WWOX: variants seen among roughly 807,000 people sequenced by gnomAD.
WWOX encodes the protein WW domain-containing oxidoreductase.
Under a neutral mutation model 46.2 loss-of-function variants are expected in WWOX, and 69 were observed. The ratio of observed to expected loss-of-function variants is 1.49; its 90% CI spans 1.23 to 1.82. The LOEUF (loss-of-function observed/expected upper bound fraction) is 1.82, where lower values mean the gene tolerates loss of function less well. Among genes scored for constraint, WWOX ranks in the 40% most tolerant of loss-of-function variants. The pLI is 0.00. For synonymous variants in WWOX, 359 were observed against 202.6 expected (o/e 1.77, Z -6.56); for missense variants, 919 against 542.6 (o/e 1.69, Z -6.89).
rs1245383221 is a variant in WWOX, at chr16:78,313,956, G to T, written c.517-72904G>T. Among the ~76,000 whole-genome samples, 5 of 152,164 alleles carry T rather than the reference G, an allele frequency of 3.3e-5. No homozygotes were observed. The East Asian group carries it at 9.6e-4, about 29-fold the overall frequency. On this transcript the variant is annotated intron_variant, in intron 5 of 8. Transcript: ENST00000566780. ...TTCCCTTATATCCGTGCTGACACAG[G>T]TTCAGGAGACCAGGTCGAGTCGAAA... is the stretch of plus-strand genomic sequence containing the variant.
rs1031700703 is a variant in WWOX at position 78,567,029 on chromosome 16, GTCATACAT to G, written c.1056+134282_1056+134289del. On this transcript the variant is annotated intron_variant, in intron 8 of 8. Coordinates refer to ENST00000566780, the MANE Select transcript of WWOX (RefSeq NM_016373.4). ...TCTATGTGCCAGGCATGAGGCTGAAGTCATACATTCATTATTTGTTAATCCCACCCTAA... is the reference window on the plus strand; with the variant it reads ...TCTATGTGCCAGGCATGAGGCTGAAGTCATTATTTGTTAATCCCACCCTAA... Among the ~76,000 whole-genome samples the G allele has an allele frequency of 7.8e-4, 119 of 151,796 alleles. 1 individual carries two copies. The highest frequency in any genetic ancestry group is 2.8e-3 in the African/African-American group (116 of 41,330).
At chr16:78,849,065 A>G (rs962259405) in intron 8 of WWOX, among the ~76,000 whole-genome samples, 1 of 152,172 alleles carries the variant, frequency 6.6e-6, no homozygotes, top group South Asian at 2.1e-4. Flanking sequence ...CACTGTTGAC[A>G]ATCTTGCCAC....
intron 8 of WWOX, among the ~76,000 whole-genome samples, chr16:78,637,522 T>G (rs1463900431): frequency 6.6e-6 from 1 of 152,172 alleles, no homozygotes; most frequent in Non-Finnish European, 1.5e-5. Flanking sequence ...CACAGTGATG[T>G]AACTCATCAG....
At chr16:78,551,825 C>G (rs1188295284) in intron 8 of WWOX, 1 of 152,190 alleles carries the variant, frequency 6.6e-6, no homozygotes, top group African/African-American at 2.4e-5. Context: ...CGCTCGAGAT[C>G]AAAATAAACA....
intron 8 of WWOX, among the ~76,000 whole-genome samples, chr16:78,607,672 G>A (rs1390655376): frequency 1.4e-5 from 2 of 147,230 alleles, no homozygotes; most frequent in Non-Finnish European, 3.0e-5. Flanking sequence ...TGTCTACAGA[G>A]AAGGAGGATA....
chr16:78,680,521 A>C (rs1400796592), intron 8 of WWOX, among the ~76,000 whole-genome samples: 1 of 152,154 alleles, frequency 6.6e-6, no homozygotes, highest in African/African-American at 2.4e-5. Flanking sequence ...CTCTGTCTCA[A>C]AGGAAAGAAA....
At chr16:78,990,492 G>C (rs1313413263) in intron 8 of WWOX, among the ~76,000 whole-genome samples, 1 of 152,188 alleles carries the variant, frequency 6.6e-6, no homozygotes, top group Non-Finnish European at 1.5e-5. Flanking sequence ...TGCAAACTCT[G>C]TGGCCTGCAT....
chr16:78,478,818 T>C (rs917149546), intron 8 of WWOX, among the ~76,000 whole-genome samples: 1 of 152,052 alleles, frequency 6.6e-6, no homozygotes, highest in African/African-American at 2.4e-5. Flanking sequence ...AATTTATTTT[T>C]TATTTATTTA....
intron 8 of WWOX, among the ~76,000 whole-genome samples, chr16:79,011,334 A>G (rs572138421): frequency 6.6e-6 from 1 of 151,864 alleles, no homozygotes; most frequent in African/African-American, 2.4e-5. Context: ...TATGCCCTCT[A>G]CATTCAAATT....
rs1567501496 is a variant in WWOX, at chr16:78,701,914, G to T, written c.1056+269162G>T. On this transcript the variant is annotated intron_variant, in intron 8 of 8. Coordinates refer to ENST00000566780, the MANE Select transcript of WWOX (RefSeq NM_016373.4). ...TAAAAGGCAAAGGAAGCCTGGTGAA[G>T]TGACTCATACCTGTAATCCCAGAAC... Among the ~76,000 whole-genome samples, 2 of 149,966 alleles carry T rather than the reference G, an allele frequency of 1.3e-5. 1 individual carries two copies.
At chr16:79,001,635 A>G (rs961607107) in intron 8 of WWOX, among the ~76,000 whole-genome samples, 8 of 151,578 alleles carry the variant, frequency 5.3e-5, no homozygotes, top group Admixed American at 2.0e-4. Context: ...AAACTACTCT[A>G]TATTATGTGG....
chr16:78,335,067 G>A (rs944980129), intron 5 of WWOX, among the ~76,000 whole-genome samples: 2 of 152,130 alleles, frequency 1.3e-5, no homozygotes, highest in Non-Finnish European at 2.9e-5. Flanking sequence ...AAATTCTTGG[G>A]CTTTATTCCA....
At chr16:78,660,476 T>C (rs888499501) in intron 8 of WWOX, among the ~76,000 whole-genome samples, 2 of 152,164 alleles carry the variant, frequency 1.3e-5, no homozygotes, top group African/African-American at 2.4e-5. Flanking sequence ...GGGGTGGGCA[T>C]ATAATGAGTA....
intron 8 of WWOX, among the ~76,000 whole-genome samples, chr16:78,817,995 G>C (rs2142733755): frequency 6.6e-6 from 1 of 152,206 alleles, no homozygotes; most frequent in East Asian, 1.9e-4. Flanking sequence ...AAACGAAGAT[G>C]GAGTGGGCAG....
chr16:78,208,486 A>T (rs780635806), intron 5 of WWOX, among the ~76,000 whole-genome samples: 2 of 152,228 alleles, frequency 1.3e-5, no homozygotes, highest in Non-Finnish European at 2.9e-5. Context: ...AAAACCTGTT[A>T]TGGAATATGA....
chr16:79,093,169 G>A (rs918382734), intron 8 of WWOX, among the ~76,000 whole-genome samples: 6 of 152,110 alleles, frequency 3.9e-5, no homozygotes, highest in African/African-American at 1.4e-4. Context: ...AAAAAAATGG[G>A]CAAAAATTAT....
At position 78,824,942 on chromosome 16, in the gene WWOX, G is replaced by C. The variant is rs142050592; in HGVS notation, c.1057-386666G>C. ...TTTTGGGTTGCTTTTGTTTTTATTT[G>C]TTGTTTTCATTCCTGGTAGTAATAG... On this transcript the variant is annotated intron_variant, in intron 8 of 8. Coordinates refer to ENST00000566780, the MANE Select transcript of WWOX (RefSeq NM_016373.4). Among the ~76,000 whole-genome samples the C allele has an allele frequency of 5.8e-3, 888 of 152,166 alleles. 8 individuals are homozygous for C. Among genetic ancestry groups the C allele is most frequent in the African/African-American group, 0.021 (851 of 41,494 alleles).
Position 78,743,394 on chromosome 16 carries a change from C to A in WWOX, c.1056+310642C>A, listed in dbSNP as rs556786321. Among the ~76,000 whole-genome samples, 5 of 152,252 alleles carry A rather than the reference C, an allele frequency of 3.3e-5. No homozygotes were observed. The East Asian group carries it at 9.7e-4, about 29-fold the overall frequency. ...AATCTTCCCAGGGATCTGCTTCATGCTGTATTTTGTACTGTGTCCTGAGAT... is the reference window on the plus strand; with the variant it reads ...AATCTTCCCAGGGATCTGCTTCATGATGTATTTTGTACTGTGTCCTGAGAT... On this transcript the variant is annotated intron_variant, in intron 8 of 8. Transcript: ENST00000566780.
chr16:79,035,882 A>C (rs953934500), intron 8 of WWOX, among the ~76,000 whole-genome samples: 1 of 152,244 alleles, frequency 6.6e-6, no homozygotes, highest in Admixed American at 6.5e-5. Flanking sequence ...GGCGTGAGCC[A>C]CTACACCCAG....
Sources: gnomAD v4.1 joint callset for allele counts (sites outside exome capture counted in the v4.1 genomes callset) on GRCh38, gnomAD v4.1.1 for gene constraint, MANE v1.5 for transcripts, NCBI Gene and HGNC (gene_info 2026-07-23, HGNC 2026-07-21) for gene names.